Variants in NTNG1 observed in about 807,000 individuals in gnomAD.
The protein encoded by NTNG1 is netrin-G1.
A neutral mutation model predicts 54.0 loss-of-function variants in NTNG1; 16 were observed. The observed-to-expected ratio is 0.30, with a 90% CI of 0.20 to 0.45. The LOEUF is 0.45. NTNG1 is among the 20% of genes least tolerant of loss of function. NTNG1 has a pLI of 1.00. For synonymous variants in NTNG1, 255 were observed against 263.1 expected, an observed-to-expected ratio of 0.97 and a Z score of 0.30; for missense variants, 530 against 678.7, an observed-to-expected ratio of 0.78 and a Z score of 2.43.
intron 2 of NTNG1, among the ~76,000 whole-genome samples, chr1:107,150,825 G>A (rs1654513927): frequency 6.6e-6 from 1 of 152,164 alleles, no homozygotes; most frequent in African/African-American, 2.4e-5. Context: ...GCCTTTCAAA[G>A]GGACATGGTC....
At chr1:107,161,895 C>T (rs1655432267) in intron 2 of NTNG1, among the ~76,000 whole-genome samples, 1 of 150,862 alleles carries the variant, frequency 6.6e-6, no homozygotes, top group Non-Finnish European at 1.5e-5. Context: ...TCAAAAATAA[C>T]ACATACTTTT....
chr1:107,266,750 TTA>T (rs1663769755), intron 2 of NTNG1, among the ~76,000 whole-genome samples: 1 of 151,538 alleles, frequency 6.6e-6, no homozygotes, highest in African/African-American at 2.4e-5. Flanking sequence ...AAAAGAAAGA[TTA>T]TGTGTGGACT....
At chr1:107,328,105 G>A (rs144547949) in intron 3 of NTNG1, among the ~76,000 whole-genome samples, 5 of 152,004 alleles carry the variant, frequency 3.3e-5, no homozygotes, top group South Asian at 2.1e-4. Flanking sequence ...CTCTCATTGC[G>A]TATTTATTAA....
intron 2 of NTNG1, among the ~76,000 whole-genome samples, chr1:107,300,605 G>A (rs1265387854): frequency 1.3e-5 from 2 of 152,174 alleles, no homozygotes; most frequent in Non-Finnish European, 1.5e-5. Flanking sequence ...AAATTTGTAA[G>A]TTAGAAGGAG....
chr1:107,371,541 A>C (rs1261066165), intron 3 of NTNG1, among the ~76,000 whole-genome samples: 1 of 152,062 alleles, frequency 6.6e-6, no homozygotes, highest in Non-Finnish European at 1.5e-5. Context: ...AAACTACCAA[A>C]TCTTACTCAA....
intron 2 of NTNG1, among the ~76,000 whole-genome samples, chr1:107,149,492 A>G (rs778793757): frequency 6.6e-6 from 1 of 152,224 alleles, no homozygotes; most frequent in African/African-American, 2.4e-5. Context: ...TAGAAAACTT[A>G]TTTGCTGAAA....
intron 7 of NTNG1, among the ~76,000 whole-genome samples, chr1:107,451,064 A>ATTCAG (rs1207580752): frequency 6.6e-6 from 1 of 150,774 alleles, no homozygotes; most frequent in East Asian, 1.9e-4. Context: ...TGAAACAAGC[A>ATTCAG]TTCAGTTCCT....
At chr1:107,270,542 C>T (rs1254867855) in intron 2 of NTNG1, among the ~76,000 whole-genome samples, 2 of 152,032 alleles carry the variant, frequency 1.3e-5, no homozygotes, top group Admixed American at 1.3e-4. Flanking sequence ...ACATATTTAC[C>T]AGTATTTCTG....
chr1:107,440,643 T>C (rs546434367), intron 7 of NTNG1, among the ~76,000 whole-genome samples: 1 of 152,310 alleles, frequency 6.6e-6, no homozygotes, highest in East Asian at 1.9e-4. Flanking sequence ...GCAATGTTAC[T>C]GTAGAACTTG....
chr1:107,242,082 C>G (rs942987106), intron 2 of NTNG1, among the ~76,000 whole-genome samples: 1 of 152,120 alleles, frequency 6.6e-6, no homozygotes, highest in African/African-American at 2.4e-5. Flanking sequence ...TCGACACCAC[C>G]TGGACGTCAT....
At chr1:107,419,862 C>A (rs937907501) in intron 5 of NTNG1, among the ~76,000 whole-genome samples, 27 of 152,004 alleles carry the variant, frequency 1.8e-4, no homozygotes, top group Admixed American at 1.6e-3. Flanking sequence ...ACATATATTA[C>A]TAGCAAATAG....
chr1:107,455,213 G>A (rs1445282989), intron 7 of NTNG1, among the ~76,000 whole-genome samples: 2 of 152,144 alleles, frequency 1.3e-5, no homozygotes, highest in Non-Finnish European at 2.9e-5. Context: ...ACAGGCATGT[G>A]CCACCATGCC....
At chr1:107,380,795 G>A (rs945548887) in intron 3 of NTNG1, among the ~76,000 whole-genome samples, 1 of 152,148 alleles carries the variant, frequency 6.6e-6, no homozygotes, top group African/African-American at 2.4e-5. Flanking sequence ...ACCATCCCCT[G>A]CTGGTCCCTT....
intron 7 of NTNG1, among the ~76,000 whole-genome samples, chr1:107,440,061 A>G (rs1265957454): frequency 6.6e-6 from 1 of 151,892 alleles, no homozygotes; most frequent in Non-Finnish European, 1.5e-5. Flanking sequence ...CACAAAATCA[A>G]TGCCAAGCAG....
At chr1:107,204,124 G>A (rs994018322) in intron 2 of NTNG1, among the ~76,000 whole-genome samples, 20 of 151,538 alleles carry the variant, frequency 1.3e-4, no homozygotes, top group Non-Finnish European at 2.5e-4. Context: ...AGATGTTTCT[G>A]TTTTGTTTTG....
intron 3 of NTNG1, among the ~76,000 whole-genome samples, chr1:107,390,527 A>G (rs1672295948): frequency 6.6e-6 from 1 of 152,188 alleles, no homozygotes; most frequent in Non-Finnish European, 1.5e-5. Flanking sequence ...CACAAATTTC[A>G]TAGCGTCTCC....
intron 2 of NTNG1, among the ~76,000 whole-genome samples, chr1:107,240,366 T>C (rs1289836489): frequency 1.3e-5 from 2 of 151,974 alleles, no homozygotes; most frequent in Admixed American, 1.3e-4. Flanking sequence ...CGGTCAGTAG[T>C]TGAAGTCACG....
At chr1:107,293,027 G>T (rs1266978262) in intron 2 of NTNG1, among the ~76,000 whole-genome samples, 4 of 152,106 alleles carry the variant, frequency 2.6e-5, no homozygotes, top group Non-Finnish European at 5.9e-5. Flanking sequence ...AAGAATTGAG[G>T]TTGCTGCAAA....
chr1:107,245,114 A>T (rs1235328963), intron 2 of NTNG1, among the ~76,000 whole-genome samples: 1 of 152,208 alleles, frequency 6.6e-6, no homozygotes, highest in Non-Finnish European at 1.5e-5. Context: ...CTCAATAATG[A>T]ATGATGTGGT....
Sources: allele counts gnomAD v4.1 joint callset (sites outside exome capture counted in the v4.1 genomes callset), GRCh38; gene constraint gnomAD v4.1.1; transcripts MANE v1.5; gene names NCBI Gene and HGNC (gene_info 2026-07-23, HGNC 2026-07-21).